Variants in PFKFB2 observed in about 807,000 individuals in gnomAD.
PFKFB2 encodes 6-phosphofructo-2-kinase/fructose-2,6-bisphosphatase 2.
A neutral mutation model predicts 68.0 loss-of-function variants in PFKFB2; 53 were observed. The ratio of observed to expected loss-of-function variants is 0.78; its 90% CI spans 0.63 to 0.98. The LOEUF (loss-of-function observed/expected upper bound fraction) is 0.98, where lower values mean the gene tolerates loss of function less well. PFKFB2 is among the 50% of genes least tolerant of loss of function. PFKFB2 has a pLI of 0.00. For missense variants in PFKFB2, 451 were observed against 642.0 expected, an observed-to-expected ratio of 0.70 and a Z score of 3.22; for synonymous variants, 222 against 227.6, an observed-to-expected ratio of 0.98 and a Z score of 0.22.
In PFKFB2 at chr1:207,075,183, A is replaced by C. The variant is rs984871841; in HGVS notation, c.*2812A>C. 1.0e-5 allele frequency: 10 copies of C among 985,330 alleles called. No homozygotes were observed. The highest frequency in any genetic ancestry group is 3.5e-5 in the African/African-American group (2 of 57,250). The allele number at this position is 985,330 out of a possible 1,614,324, so 61.0% of individuals were successfully genotyped here. ...CATTGTGTTAACCTGTCATTAACCC[A>C]GCATTAGAGACAGGTCACTGGGATG... On this transcript the variant is annotated 3_prime_UTR_variant, in exon 15 of 15. Coordinates refer to ENST00000367080, the MANE Select transcript of PFKFB2 (RefSeq NM_006212.2).
chr1:207,068,347 A>G lies in PFKFB2; in HGVS notation c.987+38A>G, dbSNP rs776927615. ...CTCTGAAGGCCCAGAAAAGCCAACAAGAGTTCAGGCAGGAACTCTCAGAAG... is the reference window on the plus strand; with the variant it reads ...CTCTGAAGGCCCAGAAAAGCCAACAGGAGTTCAGGCAGGAACTCTCAGAAG... On this transcript the variant is annotated intron_variant, in intron 10 of 14. Coordinates refer to ENST00000367080, the MANE Select transcript of PFKFB2 (RefSeq NM_006212.2). 1.3e-5 allele frequency: 20 copies of G among 1,510,894 alleles called. No individual in the cohort carries two copies. In the South Asian group the frequency reaches 2.4e-4, roughly 18 times the overall value. 93.6% of individuals were successfully genotyped at this position (1,510,894 alleles called of 1,614,324 possible).
In PFKFB2 at chr1:207,041,838, C is replaced by G. The variant is rs185548161; in HGVS notation, c.-61-331C>G. Among the ~76,000 whole-genome samples the G allele has an allele frequency of 3.5e-4, 54 of 152,302 alleles. No individual in the cohort carries two copies. The East Asian group carries it at 9.5e-3, about 27-fold the overall frequency. On this transcript the variant is annotated intron_variant, in intron 1 of 5. Coordinates refer to the PFKFB2 transcript ENST00000545806. ...TTTCCACAATGGTTGAACTAATTTA[C>G]ACTCCCACCAACAGTGTAACACGTG...
rs1683172292 is a variant in PFKFB2 at position 207,063,326 on chromosome 1, C to G, written c.376-21C>G. On this transcript the variant is annotated intron_variant, in intron 5 of 14. Transcript: ENST00000367080. The surrounding 1 kb of genome is among the most constrained non-coding windows in gnomAD (Gnocchi z 4.1). ...CTGTTTCTCTGTTCCTGCTCATTTA[C>G]CTTGTGTACTTTCTTCACAGGTGTT... 6.2e-7 allele frequency: 1 copy of G among 1,604,438 alleles called. No homozygotes were observed.
intron 1 of PFKFB2, among the ~76,000 whole-genome samples, chr1:207,035,866 G>A (rs1682368033): frequency 6.6e-6 from 1 of 152,024 alleles, no homozygotes; most frequent in African/African-American, 2.4e-5. Context: ...GTGCTAACAT[G>A]CGTACTCAGT....
intron 11 of PFKFB2, 82 bp downstream of exon 11, chr1:207,069,610 G>A: frequency 2.2e-6 from 2 of 916,348 alleles, no homozygotes; most frequent in Non-Finnish European, 3.6e-6. Flanking sequence ...GATTGAATGT[G>A]ATTTGGAGGG....
In PFKFB2 at chr1:207,068,213, C is replaced by G. The variant is rs373568677; in HGVS notation, c.891C>G (p.Leu297=). 1.9e-6 allele frequency: 3 copies of G among 1,612,910 alleles called. No homozygotes were observed. The highest frequency in any genetic ancestry group is 2.5e-6 in the Non-Finnish European group (3 of 1,179,570). ...TGGAGGAACAGGAAATAACAGACCTCAAAGTGTGGACAAGCCAGTTGAAGA... is the reference window on the plus strand; with the variant it reads ...TGGAGGAACAGGAAATAACAGACCTGAAAGTGTGGACAAGCCAGTTGAAGA... ...KFLEEQEITD[L]KVWTSQLKRT... The change falls in exon 10 of 15, where the codon CTC becomes CTG. Residue 297 remains leucine, a synonymous_variant. Coordinates refer to ENST00000367080, the MANE Select transcript of PFKFB2 (RefSeq NM_006212.2).
At chr1:207,049,306 C>G (rs767775929), upstream of PFKFB2, 44 of 1,613,942 alleles carry the variant, frequency 2.7e-5, no homozygotes, top group Non-Finnish European at 3.6e-5. Flanking sequence ...TTTGGTATAT[C>G]CTGCATCTTC....
intron 2 of PFKFB2, chr1:207,045,154 A>T (rs1682568235): frequency 6.6e-6 from 1 of 152,482 alleles, no homozygotes; most frequent in African/African-American, 2.4e-5. Flanking sequence ...CTGACTCAAA[A>T]ATCAGCTTCC....
chr1:207,062,475 CTCTTAA>C (rs1683147604), intron 3 of PFKFB2, 139 bp from the exon 4 acceptor site: 1 of 1,289,036 alleles, frequency 7.8e-7, no homozygotes, highest in African/African-American at 1.5e-5. Context: ...ACTCTTTTGA[CTCTTAA>C]TCTGATATTG....
intron 1 of PFKFB2, among the ~76,000 whole-genome samples, chr1:207,040,895 T>C (rs1223751360): frequency 6.6e-6 from 1 of 152,116 alleles, no homozygotes; most frequent in Non-Finnish European, 1.5e-5. Context: ...GTTTTACTTT[T>C]TGTAGTTATA....
chr1:207,058,597 T>G (rs1202984969), intron 2 of PFKFB2, among the ~76,000 whole-genome samples: 1 of 152,234 alleles, frequency 6.6e-6, no homozygotes, highest in Non-Finnish European at 1.5e-5. Flanking sequence ...TCATTTTTTT[T>G]GTAAATCTTT....
upstream of PFKFB2, chr1:207,053,105 T>C (rs1470914437): frequency 1.3e-5 from 2 of 152,274 alleles, no homozygotes; most frequent in East Asian, 1.9e-4. Context: ...GTGATCTCTC[T>C]GGTTCCGACT....
At chr1:207,050,364 C>T (rs1224382323), upstream of PFKFB2, among the ~76,000 whole-genome samples, 1 of 152,030 alleles carries the variant, frequency 6.6e-6, no homozygotes, top group African/African-American at 2.4e-5. Flanking sequence ...GACATAAGGA[C>T]AGAGAAAATA....
At position 207,061,709 on chromosome 1, in the gene PFKFB2, C is replaced by T. The variant is rs1572723304; in HGVS notation, c.86-244C>T. Among the ~76,000 whole-genome samples, 6 of 152,060 alleles carry T rather than the reference C, an allele frequency of 3.9e-5. No homozygotes were observed. The South Asian group carries it at 1.2e-3, about 31-fold the overall frequency. On this transcript the variant is annotated intron_variant, in intron 2 of 14. Coordinates refer to ENST00000367080, the MANE Select transcript of PFKFB2 (RefSeq NM_006212.2). ...CCATCCTGGCCAACATGGTGAAACC[C>T]CATCTCTACTGAAAATACAAAAATT...
chr1:207,075,391 G>GA lies in PFKFB2; in HGVS notation c.*3022dup, dbSNP rs1553252577. On this transcript the variant is annotated 3_prime_UTR_variant, in exon 15 of 15. Coordinates refer to ENST00000367080, the MANE Select transcript of PFKFB2 (RefSeq NM_006212.2). ...AGATCCCTTCAGAGAAGTCTAGCAG[G>GA]AAGAAGCCAGGAGAATGTAGAATGG... The GA allele has an allele frequency of 3.0e-6, 3 of 985,336 alleles. No homozygotes were observed. The highest frequency in any genetic ancestry group is 3.6e-6 in the Non-Finnish European group (3 of 829,942). The allele number at this position is 985,336 out of a possible 1,614,324, so 61.0% of individuals were successfully genotyped here.
intron 10 of PFKFB2, among the ~76,000 whole-genome samples, chr1:207,069,120 T>G (rs1425271303): frequency 6.6e-6 from 1 of 152,176 alleles, no homozygotes; most frequent in Non-Finnish European, 1.5e-5. Flanking sequence ...GTTTCCCTCC[T>G]TCTCTGCTTC....
rs768238400 is a variant in PFKFB2 at position 207,070,367 on chromosome 1, G to A, written c.1180G>A (p.Val394Ile). ...TGTCCTCGTCATCTCCCACCAGGCT[G>A]TCATGCGCTGCCTCCTGGCCTACTT... ...GNVLVISHQA[V>I]MRCLLAYFLD... Residue 394 changes from valine to isoleucine, a missense_variant, in exon 12 of 15, where the codon GTC becomes ATC. Val to Ile is a conservative substitution (Grantham distance 29). Transcript: ENST00000367080. The surrounding 1 kb of genome is among the most constrained non-coding windows in gnomAD (Gnocchi z 4.2). 6.2e-7 allele frequency: 1 copy of A among 1,613,978 alleles called. No homozygotes were observed. The highest frequency in any genetic ancestry group is 1.1e-5 in the South Asian group (1 of 91,066).
At chr1:207,051,355 A>G (rs1682748685), upstream of PFKFB2, among the ~76,000 whole-genome samples, 1 of 151,194 alleles carries the variant, frequency 6.6e-6, no homozygotes. Flanking sequence ...CTACACCCAG[A>G]CTACACCAGG....
Position 207,077,379 on chromosome 1 carries a change from C to T in PFKFB2, c.*5008C>T. The stretch of plus-strand genomic sequence containing the variant: ...AGTATTTTTTCCAGTAAGCCTTTCA[C>T]TGGATATCTGTGACCAATGTTTACC... On this transcript the variant is annotated 3_prime_UTR_variant, in exon 15 of 15. Coordinates refer to ENST00000367080, the MANE Select transcript of PFKFB2 (RefSeq NM_006212.2). 1.0e-6 allele frequency: 1 copy of T among 985,030 alleles called. No homozygotes were observed. The highest frequency in any genetic ancestry group is 1.2e-6 in the Non-Finnish European group (1 of 829,556). The allele number at this position is 985,030 out of a possible 1,614,324, so 61.0% of individuals were successfully genotyped here.
Sources: allele counts gnomAD v4.1 joint callset (sites outside exome capture counted in the v4.1 genomes callset), GRCh38; gene constraint gnomAD v4.1.1; non-coding constraint Gnocchi (gnomAD v3.1); transcripts MANE v1.5; gene names NCBI Gene and HGNC (gene_info 2026-07-23, HGNC 2026-07-21).